Variants in LOC400499 observed in about 807,000 individuals in gnomAD.
At chr16:11,429,175 CCTGGGAGCGGATTT>C in the LOC400499 span, among the ~76,000 whole-genome samples, 3 of 152,244 alleles carry the variant, frequency 2.0e-5, no homozygotes, top group Middle Eastern at 3.4e-3. Context: ...GACTGGTTGG[CCTGGGAGCGGATTT>C]CTTAAACAGT....
the LOC400499 span, among the ~76,000 whole-genome samples, chr16:11,465,719 TCTACGATCACTGCA>T: frequency 6.7e-6 from 1 of 149,340 alleles, no homozygotes; most frequent in East Asian, 2.0e-4. Flanking sequence ...GCTGCAGTGA[TCTACGATCACTGCA>T]CAGAATAAGA....
the LOC400499 span, chr16:11,491,922 C>T: frequency 2.5e-6 from 1 of 396,942 alleles, no homozygotes; most frequent in African/African-American, 2.1e-5. Context: ...CTGGCTGCAG[C>T]AGGTGGACCT....
chr16:11,453,515 C>T, the LOC400499 span, among the ~76,000 whole-genome samples: 2 of 152,068 alleles, frequency 1.3e-5, no homozygotes, highest in Non-Finnish European at 2.9e-5. Flanking sequence ...CAATTGCATT[C>T]ATGGAACAGG....
the LOC400499 span, among the ~76,000 whole-genome samples, chr16:11,486,209 G>GGAT: frequency 6.9e-6 from 1 of 144,946 alleles, no homozygotes; most frequent in East Asian, 2.1e-4. Context: ...GTGGATGAAT[G>GGAT]GATGATGGGT....
chr16:11,469,735 C>G, the LOC400499 span: 1 of 398,756 alleles, frequency 2.5e-6, no homozygotes, highest in Non-Finnish European at 4.4e-6. Flanking sequence ...ACATTGTTGT[C>G]CTCACAATCC....
At chr16:11,376,353 CTT>C in the LOC400499 span, among the ~76,000 whole-genome samples, 3 of 116,824 alleles carry the variant, frequency 2.6e-5, no homozygotes, top group African/African-American at 5.6e-5. Context: ...TTGAGGTTTT[CTT>C]TTTTTTTTTT....
chr16:11,433,114 G>A, the LOC400499 span, among the ~76,000 whole-genome samples: 2 of 151,614 alleles, frequency 1.3e-5, no homozygotes, highest in African/African-American at 4.9e-5. Flanking sequence ...CGACACTCTT[G>A]TACCGCAATG....
the LOC400499 span, among the ~76,000 whole-genome samples, chr16:11,387,565 C>G: frequency 2.0e-5 from 3 of 152,192 alleles, no homozygotes; most frequent in Non-Finnish European, 4.4e-5. Flanking sequence ...CATGCCTACT[C>G]TGCTCCCCGG....
At chr16:11,449,069 G>C in the LOC400499 span, 1 of 1,484,274 alleles carries the variant, frequency 6.7e-7, no homozygotes. Flanking sequence ...CGCTCCAGCT[G>C]TGGAAGAGGC....
chr16:11,436,966 A>G, the LOC400499 span, among the ~76,000 whole-genome samples: 1 of 152,192 alleles, frequency 6.6e-6, no homozygotes, highest in East Asian at 1.9e-4. Context: ...CACCCAGACA[A>G]TGGAATATTA....
chr16:11,376,779 G>T, the LOC400499 span, among the ~76,000 whole-genome samples: 1 of 152,114 alleles, frequency 6.6e-6, no homozygotes, highest in Admixed American at 6.6e-5. Flanking sequence ...AGATCACTTT[G>T]AGTAGTATTG....
At chr16:11,462,432 A>C in the LOC400499 span, 1 of 1,279,256 alleles carries the variant, frequency 7.8e-7, no homozygotes, top group South Asian at 2.7e-5. Flanking sequence ...TCCTTACCCA[A>C]TTTTTCTTTT....
chr16:11,468,650 C>G, the LOC400499 span, among the ~76,000 whole-genome samples: 1 of 152,046 alleles, frequency 6.6e-6, no homozygotes, highest in Admixed American at 6.6e-5. Context: ...TTTTTTGAGA[C>G]AGAGTCTCGC....
At chr16:11,449,100 G>A in the LOC400499 span, 2 of 1,451,552 alleles carry the variant, frequency 1.4e-6, no homozygotes, top group African/African-American at 2.8e-5. Flanking sequence ...GACTGTCACT[G>A]TGGAAACCTG....
the LOC400499 span, among the ~76,000 whole-genome samples, chr16:11,509,517 G>T: frequency 1.3e-5 from 2 of 151,586 alleles, no homozygotes; most frequent in Non-Finnish European, 2.9e-5. Context: ...GCAGAACAAT[G>T]TATGGTGCAA....
At chr16:11,459,941 G>C in the LOC400499 span, 1 of 1,504,702 alleles carries the variant, frequency 6.6e-7, no homozygotes, top group African/African-American at 1.4e-5. Context: ...CATTCTTGAA[G>C]GTCTGGCTGA....
chr16:11,485,663 C>T, the LOC400499 span, among the ~76,000 whole-genome samples: 1 of 152,154 alleles, frequency 6.6e-6, no homozygotes, highest in South Asian at 2.1e-4. Context: ...TTGTTCTATC[C>T]ATCCTTATTC....
chr16:11,393,213 T>A, the LOC400499 span, among the ~76,000 whole-genome samples: 2 of 147,084 alleles, frequency 1.4e-5, no homozygotes. Context: ...AGGCTGGTCC[T>A]GAACTCCTGA....
the LOC400499 span, among the ~76,000 whole-genome samples, chr16:11,477,132 G>A: frequency 6.6e-6 from 1 of 152,230 alleles, no homozygotes; most frequent in Non-Finnish European, 1.5e-5. Flanking sequence ...TCCCTTTTAT[G>A]GATGGGGAAA....
Sources: gnomAD v4.1 joint callset for allele counts (sites outside exome capture counted in the v4.1 genomes callset) on GRCh38, gnomAD v4.1.1 for gene constraint, MANE v1.5 for transcripts.